CNNM2: variants seen among roughly 807,000 people sequenced by gnomAD.
CNNM2 encodes cyclin and CBS domain divalent metal cation transport mediator 2, also known as metal transporter CNNM2.
A neutral mutation model predicts 66.9 loss-of-function variants in CNNM2; 12 were observed. The ratio of observed to expected loss-of-function variants is 0.18; its 90% CI spans 0.11 to 0.29. The LOEUF (loss-of-function observed/expected upper bound fraction) is 0.29, where lower values mean the gene tolerates loss of function less well. Among genes scored for constraint, CNNM2 ranks in the 10% least tolerant of loss-of-function variants. The probability of loss-of-function intolerance (pLI) is 1.00; values close to 1 mark genes in which losing one functional copy is unlikely to be tolerated. For missense variants in CNNM2, 705 were observed against 1,167.7 expected, an observed-to-expected ratio of 0.60 and a Z score of 5.77; for synonymous variants, 557 against 501.8, an observed-to-expected ratio of 1.11 and a Z score of -1.47.
Position 103,019,221 on chromosome 10 carries a change from A to G in CNNM2, c.1622-30486A>G, listed in dbSNP as rs77677489. On this transcript the variant is annotated intron_variant, in intron 1 of 7. Transcript: ENST00000369878. ...GAGGTTGAGACTGCAGTAAGCCATTATAGCACCACTGCACTCCAGCCTGGG... is the reference window on the plus strand; with the variant it reads ...GAGGTTGAGACTGCAGTAAGCCATTGTAGCACCACTGCACTCCAGCCTGGG... Among the ~76,000 whole-genome samples, 460 of 151,478 alleles carry G rather than the reference A, an allele frequency of 3.0e-3. 19 individuals are homozygous for G. The East Asian group carries it at 0.085, about 28-fold the overall frequency.
intron 1 of CNNM2, among the ~76,000 whole-genome samples, chr10:102,948,445 T>C (rs1370739102): frequency 6.6e-6 from 1 of 152,126 alleles, no homozygotes; most frequent in Non-Finnish European, 1.5e-5. Context: ...GGTAACATTG[T>C]ACACTCAAGG....
intron 1 of CNNM2, among the ~76,000 whole-genome samples, chr10:102,988,674 TTC>T (rs1352487328): frequency 6.6e-6 from 1 of 152,136 alleles, no homozygotes; most frequent in East Asian, 1.9e-4. Flanking sequence ...TGGGTTAAAA[TTC>T]TCTTCCTTGG....
In CNNM2 at chr10:103,083,339, G is replaced by A. The variant is rs891983687; in HGVS notation, c.*6159G>A. The A allele has an allele frequency of 5.9e-5, 9 of 152,184 alleles. No individual in the cohort carries two copies. The highest frequency in any genetic ancestry group is 8.8e-5 in the Non-Finnish European group (6 of 68,030). The allele number at this position is 152,184 out of a possible 1,614,324, so 9.4% of individuals were successfully genotyped here. A position where few individuals can be genotyped will look rare whatever the true frequency, so the allele number is the denominator to read the frequency against. ...TGTAAATTTTGTGATTGTTTTACAA[G>A]GTTTTTGTTTATTTCTATTCTATTT... is the stretch of plus-strand genomic sequence containing the variant. On this transcript the variant is annotated 3_prime_UTR_variant, in exon 8 of 8. Coordinates refer to ENST00000369878, the MANE Select transcript of CNNM2 (RefSeq NM_017649.5).
In CNNM2 at chr10:102,919,467, G is replaced by A. The variant is rs752759092; in HGVS notation, c.987G>A (p.Thr329=). Reference sequence around the variant, plus strand: ...TGGGCAACGTGCTGGTCAACACCACGCTCACCATCCTGCTCGACGACATCG... The same window carrying A: ...TGGGCAACGTGCTGGTCAACACCACACTCACCATCCTGCTCGACGACATCG... ...LLLGNVLVNT[T]LTILLDDIAG... Residue 329 remains threonine, a synonymous_variant, in exon 1 of 8, where the codon ACG becomes ACA. Coordinates refer to ENST00000369878, the MANE Select transcript of CNNM2 (RefSeq NM_017649.5). 1 of 1,612,074 alleles carries A rather than the reference G, an allele frequency of 6.2e-7. No individual in the cohort carries two copies. The highest frequency in any genetic ancestry group is 8.5e-7 in the Non-Finnish European group (1 of 1,180,036).
In CNNM2 at chr10:103,080,014, T is replaced by C. The variant is rs1374804588; in HGVS notation, c.*2834T>C. On this transcript the variant is annotated 3_prime_UTR_variant, in exon 8 of 8. Transcript: ENST00000369878. The stretch of plus-strand genomic sequence containing the variant: ...CTGCCATTCATCTCTACAAAGCCAG[T>C]GGGGTCCGGCAGAGAAAGACCGTGG... 6.6e-6 allele frequency: 1 copy of C among 152,152 alleles called. No individual in the cohort carries two copies. Among genetic ancestry groups the C allele is most frequent in the Non-Finnish European group, 1.5e-5 (1 of 68,026 alleles). 9.4% of individuals were successfully genotyped at this position (152,152 alleles called of 1,614,324 possible).
At chr10:103,040,886 C>G (rs2065028287) in intron 1 of CNNM2, among the ~76,000 whole-genome samples, 1 of 152,186 alleles carries the variant, frequency 6.6e-6, no homozygotes, top group African/African-American at 2.4e-5. Flanking sequence ...TTGTAAAATA[C>G]AAGACCCAGA....
At position 102,956,188 on chromosome 10, in the gene CNNM2, T is replaced by A. The variant is rs188855581; in HGVS notation, c.1621+36087T>A. Among the ~76,000 whole-genome samples the A allele has an allele frequency of 1.4e-4, 21 of 149,524 alleles. 1 individual carries two copies. In the East Asian group the frequency reaches 3.9e-3, roughly 28 times the overall value. On this transcript the variant is annotated intron_variant, in intron 1 of 7. Coordinates refer to ENST00000369878, the MANE Select transcript of CNNM2 (RefSeq NM_017649.5). ...CTGTAGTCCCAGCTGCTCGGGAGGC[T>A]GAGGCAGGAGAATGGCGTGAACCCA... is the stretch of plus-strand genomic sequence containing the variant.
chr10:102,943,802 G>T (rs962951061), intron 1 of CNNM2, among the ~76,000 whole-genome samples: 1 of 152,088 alleles, frequency 6.6e-6, no homozygotes, highest in Non-Finnish European at 1.5e-5. Flanking sequence ...ATATATATGT[G>T]TTTATGTCTG....
chr10:103,012,663 A>T (rs1188718962), intron 1 of CNNM2, among the ~76,000 whole-genome samples: 2 of 145,226 alleles, frequency 1.4e-5, no homozygotes, highest in Non-Finnish European at 3.0e-5. Context: ...TTTTTTTTTA[A>T]AGACAAATTC....
At chr10:103,042,651 G>A (rs921928508) in intron 1 of CNNM2, among the ~76,000 whole-genome samples, 3 of 152,124 alleles carry the variant, frequency 2.0e-5, no homozygotes, top group Admixed American at 2.0e-4. Flanking sequence ...ATAGTTCATT[G>A]TTCATAGTTC....
intron 1 of CNNM2, among the ~76,000 whole-genome samples, chr10:102,924,987 G>C (rs1174894820): frequency 6.6e-6 from 1 of 152,144 alleles, no homozygotes; most frequent in African/African-American, 2.4e-5. Context: ...GTGTTTGCCA[G>C]ATTTACCTGA....
intron 1 of CNNM2, among the ~76,000 whole-genome samples, chr10:102,983,016 T>C (rs946363528): frequency 4.6e-5 from 7 of 152,202 alleles, no homozygotes; most frequent in South Asian, 2.1e-4. Context: ...TGTTTAGTTC[T>C]ACTTAATAAT....
intron 1 of CNNM2, among the ~76,000 whole-genome samples, chr10:102,944,251 G>T (rs1045831992): frequency 1.3e-5 from 2 of 151,810 alleles, no homozygotes; most frequent in African/African-American, 4.8e-5. Flanking sequence ...GCTAGTTTTT[G>T]TATTTTTAAT....
chr10:103,043,901 G>A (rs2065084689), intron 1 of CNNM2, among the ~76,000 whole-genome samples: 2 of 152,182 alleles, frequency 1.3e-5, no homozygotes, highest in Admixed American at 6.5e-5. Flanking sequence ...CAGAAAAGGA[G>A]GAGAAGGGCT....
chr10:102,939,816 C>A (rs975883422), intron 1 of CNNM2, among the ~76,000 whole-genome samples: 32 of 152,004 alleles, frequency 2.1e-4, no homozygotes, highest in African/African-American at 7.5e-4. Flanking sequence ...ACTAAAAATA[C>A]AAAAATCAGC....
intron 1 of CNNM2, among the ~76,000 whole-genome samples, chr10:102,943,790 G>T (rs1212423218): frequency 1.3e-5 from 2 of 152,046 alleles, no homozygotes; most frequent in African/African-American, 4.8e-5. Flanking sequence ...TCTGTGTGTT[G>T]TATATATATG....
At chr10:103,045,876 C>T (rs1331684694) in intron 1 of CNNM2, among the ~76,000 whole-genome samples, 1 of 152,138 alleles carries the variant, frequency 6.6e-6, no homozygotes, top group Non-Finnish European at 1.5e-5. Flanking sequence ...AACTCCTGGC[C>T]TCAAGCGATC....
At position 102,994,563 on chromosome 10, in the gene CNNM2, C is replaced by G. The variant is rs747390696; in HGVS notation, c.1622-55144C>G. On this transcript the variant is annotated intron_variant, in intron 1 of 7. Coordinates refer to ENST00000369878, the MANE Select transcript of CNNM2 (RefSeq NM_017649.5). ...CAAAGCCACACACAAAACTGGCCAACAAAATAGCTGCCAGTTGGGGTTTTA... is the reference window on the plus strand; with the variant it reads ...CAAAGCCACACACAAAACTGGCCAAGAAAATAGCTGCCAGTTGGGGTTTTA... 1.1e-4 allele frequency among the ~76,000 whole-genome samples: 16 copies of G among 152,306 alleles called. No individual in the cohort carries two copies. The South Asian group carries it at 1.9e-3, about 18-fold the overall frequency.
intron 1 of CNNM2, among the ~76,000 whole-genome samples, chr10:102,960,659 C>T (rs1049454949): frequency 2.6e-5 from 4 of 152,024 alleles, no homozygotes; most frequent in East Asian, 3.8e-4. Flanking sequence ...ACTTTGTTGC[C>T]TATGCTGGAG....
Sources: allele counts gnomAD v4.1 joint callset (sites outside exome capture counted in the v4.1 genomes callset), GRCh38; gene constraint gnomAD v4.1.1; transcripts MANE v1.5; gene names NCBI Gene and HGNC (gene_info 2026-07-23, HGNC 2026-07-21).